Variants in SDK2 observed in about 807,000 individuals in gnomAD.
The protein encoded by SDK2 is sidekick cell adhesion molecule 2.
A neutral mutation model predicts 253.9 loss-of-function variants in SDK2; 105 were observed. The observed-to-expected ratio is 0.41, with a 90% CI of 0.35 to 0.49. The LOEUF (loss-of-function observed/expected upper bound fraction) is 0.49. Ranked by LOEUF, SDK2 falls within the 20% of genes least tolerant of loss-of-function variation. The probability of loss-of-function intolerance (pLI) is 0.06; values close to 1 mark genes in which losing one functional copy is unlikely to be tolerated. For synonymous variants in SDK2, 1,249 were observed against 1,234.9 expected, an observed-to-expected ratio of 1.01 and a Z score of -0.24; for missense variants, 2,608 against 3,003.0, an observed-to-expected ratio of 0.87 and a Z score of 3.07.
intron 17 of SDK2, among the ~76,000 whole-genome samples, 186 bp downstream of exon 17, chr17:73,415,625 A>G (rs1379347446): frequency 6.6e-6 from 1 of 152,016 alleles, no homozygotes; most frequent in East Asian, 1.9e-4. Context: ...GTGCCACTGT[A>G]GCATGTAGCA....
intron 32 of SDK2, 34 bp from the exon 33 acceptor site, chr17:73,384,045 C>T: frequency 6.2e-7 from 1 of 1,604,362 alleles, no homozygotes; most frequent in South Asian, 1.1e-5. Context: ...GGGAGGGCAC[C>T]TGGACCACCA....
chr17:73,391,500 G>A lies in SDK2; in HGVS notation c.3937C>T (p.Arg1313Trp), dbSNP rs1195895525. ...CAGATCAGCCGCACAGACGTGGTCC[G>A]CACCTCTGGGAACAGGATGCCCATG... ...PPMGILFPEV[R>W]TTSVRLIWQP... The change falls in exon 28 of 45, where the codon CGG (arginine) becomes TGG (tryptophan). Residue 1313 changes from arginine to tryptophan, a missense_variant. By Grantham distance (101) the Arg-to-Trp change is moderately radical. Around this residue, in one of 2 missense-constraint regions of SDK2, gnomAD observed 1,505 missense variants for 1,859.1 expected, o/e 0.81. Coordinates refer to ENST00000392650, the MANE Select transcript of SDK2 (RefSeq NM_001144952.2). 8 of 1,307,102 alleles carry A rather than the reference G, an allele frequency of 6.1e-6. No individual in the cohort carries two copies. In the Admixed American group the frequency reaches 1.6e-4, roughly 25 times the overall value. 81.0% of individuals were successfully genotyped at this position (1,307,102 alleles called of 1,614,324 possible).
At chr17:73,370,321 C>T (rs1599492732) in intron 36 of SDK2, among the ~76,000 whole-genome samples, 1 of 152,138 alleles carries the variant, frequency 6.6e-6, no homozygotes, top group Non-Finnish European at 1.5e-5. Context: ...CAGCTCACTG[C>T]AGCCTCAACC....
intron 16 of SDK2, among the ~76,000 whole-genome samples, chr17:73,417,928 AC>A (rs2063196036): frequency 6.6e-6 from 1 of 151,904 alleles, no homozygotes; most frequent in African/African-American, 2.4e-5. Flanking sequence ...AAAATTAAGG[AC>A]CTCAAAGTAT....
chr17:73,600,392 G>A (rs1314153728), intron 1 of SDK2, among the ~76,000 whole-genome samples: 2 of 152,150 alleles, frequency 1.3e-5, no homozygotes, highest in Admixed American at 6.5e-5. Flanking sequence ...CATTAAAAAC[G>A]GGACGCCTTC....
At chr17:73,536,869 C>A (rs1216227987) in intron 1 of SDK2, among the ~76,000 whole-genome samples, 3 of 152,220 alleles carry the variant, frequency 2.0e-5, no homozygotes, top group Non-Finnish European at 4.4e-5. Context: ...ATAGTCTAAT[C>A]TCGGCCTCCT....
intron 36 of SDK2, among the ~76,000 whole-genome samples, chr17:73,375,838 A>G (rs1381279316): frequency 2.4e-5 from 3 of 126,748 alleles, no homozygotes; most frequent in Non-Finnish European, 4.6e-5. Context: ...CCTGGGTGAC[A>G]GAACAAGACT....
At chr17:73,591,761 C>T (rs889134179) in intron 1 of SDK2, among the ~76,000 whole-genome samples, 11 of 152,256 alleles carry the variant, frequency 7.2e-5, no homozygotes, top group African/African-American at 2.6e-4. Flanking sequence ...CCATCCAGCA[C>T]CCCCTACTCA....
chr17:73,429,950 C>T (rs909776648), intron 12 of SDK2, among the ~76,000 whole-genome samples: 4 of 152,214 alleles, frequency 2.6e-5, no homozygotes, highest in African/African-American at 4.8e-5. Context: ...GCCAAGGTCC[C>T]GGCTTGGCCA....
chr17:73,501,103 G>A (rs1235528069), intron 2 of SDK2, among the ~76,000 whole-genome samples: 1 of 152,208 alleles, frequency 6.6e-6, no homozygotes, highest in Non-Finnish European at 1.5e-5. Flanking sequence ...TAACACTAGA[G>A]GGCCTGACCT....
At chr17:73,418,919 A>G (rs2063204847) in intron 16 of SDK2, among the ~76,000 whole-genome samples, 1 of 152,018 alleles carries the variant, frequency 6.6e-6, no homozygotes. Context: ...GCCTGTTCCT[A>G]TGTCAGCCCA....
intron 1 of SDK2, among the ~76,000 whole-genome samples, chr17:73,550,565 A>G (rs2045038901): frequency 6.6e-6 from 1 of 152,038 alleles, no homozygotes; most frequent in African/African-American, 2.4e-5. Context: ...AGGAAGCCAC[A>G]GAGCTTTTGA....
chr17:73,552,254 G>A (rs1452866475), intron 1 of SDK2, among the ~76,000 whole-genome samples: 1 of 152,232 alleles, frequency 6.6e-6, no homozygotes, highest in Non-Finnish European at 1.5e-5. Context: ...AATTTTAATA[G>A]GAACCACTGC....
intron 1 of SDK2, among the ~76,000 whole-genome samples, chr17:73,634,356 C>T (rs764337180): frequency 7.2e-5 from 11 of 152,334 alleles, no homozygotes; most frequent in Non-Finnish European, 1.3e-4. Context: ...ACAAGTCAAG[C>T]GACCTTGGCA....
intron 36 of SDK2, among the ~76,000 whole-genome samples, chr17:73,375,230 C>CTTTTTTT (rs33992958): frequency 1.7e-5 from 1 of 58,578 alleles, no homozygotes; most frequent in African/African-American, 7.1e-5. Flanking sequence ...TCCTAACAAC[C>CTTTTTTT]TTTTTTTTTT....
At position 73,465,927 on chromosome 17, in the gene SDK2, C is replaced by T. The variant is rs1303055898; in HGVS notation, c.331+6185G>A. On this transcript the variant is annotated intron_variant, in intron 3 of 44. Transcript: ENST00000392650. The surrounding 1 kb of genome is among the most constrained non-coding windows in gnomAD (Gnocchi z 4.2). The stretch of plus-strand genomic sequence containing the variant: ...CCCCACCCTCTCTCAGAACTGTGTG[C>T]CATCTGCGTGTGTGTGTAAGGAGAC... Among the ~76,000 whole-genome samples, 1 of 152,160 alleles carries T rather than the reference C, an allele frequency of 6.6e-6. No homozygotes were observed. Among genetic ancestry groups the T allele is most frequent in the Non-Finnish European group, 1.5e-5 (1 of 68,012 alleles).
intron 1 of SDK2, among the ~76,000 whole-genome samples, chr17:73,598,664 C>A (rs17782489): frequency 0.018 from 2,804 of 152,280 alleles, 30 homozygotes; most frequent in Middle Eastern, 0.045. Flanking sequence ...GGATCGCTGG[C>A]CTTTTTCTTT....
intron 44 of SDK2, among the ~76,000 whole-genome samples, chr17:73,347,390 C>T (rs1379026129): frequency 1.3e-5 from 2 of 152,146 alleles, no homozygotes; most frequent in Non-Finnish European, 1.5e-5. Flanking sequence ...GGGTTTTGTC[C>T]CCCACAATAA....
Position 73,644,113 on chromosome 17 carries a change from T to C in SDK2, c.-25A>G. Reference sequence around the variant, plus strand: ...TGGTGACCAGCCTGGAGAGGGGTCCTCGGGGTCTCCCTTCCCTCCGCCCTG... The same window carrying C: ...TGGTGACCAGCCTGGAGAGGGGTCCCCGGGGTCTCCCTTCCCTCCGCCCTG... On this transcript the variant is annotated 5_prime_UTR_variant, in exon 1 of 45. Coordinates refer to ENST00000392650, the MANE Select transcript of SDK2 (RefSeq NM_001144952.2). This position sits in a 1 kb window ranked among gnomAD's most constrained non-coding sequence, Gnocchi z 6.3. The C allele has an allele frequency of 6.5e-7, 1 of 1,543,136 alleles. No homozygotes were observed. The highest frequency in any genetic ancestry group is 8.8e-7 in the Non-Finnish European group (1 of 1,139,584).
Sources: gnomAD v4.1 joint callset for allele counts (sites outside exome capture counted in the v4.1 genomes callset) on GRCh38, gnomAD v4.1.1 for gene constraint, gnomAD v4.1.1 regional missense constraint, Gnocchi (gnomAD v3.1) non-coding constraint, MANE v1.5 for transcripts, NCBI Gene and HGNC (gene_info 2026-07-23, HGNC 2026-07-21) for gene names.